FBXL17: variants seen among roughly 807,000 people sequenced by gnomAD.
FBXL17 encodes the protein F-box/LRR-repeat protein 17.
Under a neutral mutation model 66.2 loss-of-function variants are expected in FBXL17, and 22 were observed. The ratio of observed to expected loss-of-function variants is 0.33; its 90% CI spans 0.24 to 0.47. The LOEUF is 0.47. Among genes scored for constraint, FBXL17 ranks in the 20% least tolerant of loss-of-function variants. FBXL17 has a pLI of 1.00. For synonymous variants in FBXL17, 474 were observed against 400.5 expected (o/e 1.18, Z -2.19); for missense variants, 878 against 948.2 (o/e 0.93, Z 0.97).
intron 6 of FBXL17, among the ~76,000 whole-genome samples, chr5:108,178,972 T>A (rs1006599787): frequency 6.6e-6 from 1 of 152,216 alleles, no homozygotes; most frequent in Admixed American, 6.5e-5. Context: ...CCTTGGGCAA[T>A]CTTTAAACCT....
intron 4 of FBXL17, among the ~76,000 whole-genome samples, chr5:108,286,828 A>C (rs1170831495): frequency 6.6e-6 from 1 of 151,980 alleles, no homozygotes; most frequent in African/African-American, 2.4e-5. Flanking sequence ...GAATAGCCAC[A>C]GCAATCCTAA....
At chr5:107,867,837 T>C (rs1171088360) in intron 8 of FBXL17, among the ~76,000 whole-genome samples, 14 of 152,164 alleles carry the variant, frequency 9.2e-5, no homozygotes, top group Non-Finnish European at 2.1e-4. Flanking sequence ...CAATCTCAGA[T>C]AAGGAGAAAT....
At chr5:108,258,525 T>A (rs1027291554) in intron 4 of FBXL17, among the ~76,000 whole-genome samples, 4 of 152,146 alleles carry the variant, frequency 2.6e-5, no homozygotes, top group African/African-American at 9.7e-5. Context: ...GTGAGATTCC[T>A]AGAAGTAGAA....
chr5:108,117,524 TA>T (rs1292258653), intron 6 of FBXL17, among the ~76,000 whole-genome samples: 1 of 152,170 alleles, frequency 6.6e-6, no homozygotes, highest in Non-Finnish European at 1.5e-5. Context: ...TTAAAATTTT[TA>T]AAAATGTTAA....
At chr5:108,171,200 ATTTT>A (rs1752593711) in intron 6 of FBXL17, among the ~76,000 whole-genome samples, 1 of 152,172 alleles carries the variant, frequency 6.6e-6, no homozygotes, top group Non-Finnish European at 1.5e-5. Context: ...TGTAATATTT[ATTTT>A]ATTTAATACT....
chr5:108,263,678 T>C (rs1282593100), intron 4 of FBXL17, among the ~76,000 whole-genome samples: 1 of 152,182 alleles, frequency 6.6e-6, no homozygotes, highest in African/African-American at 2.4e-5. Context: ...AAAAAAGCAT[T>C]AATGTTCATT....
At chr5:108,225,513 C>T (rs1436458831) in intron 4 of FBXL17, among the ~76,000 whole-genome samples, 1 of 152,144 alleles carries the variant, frequency 6.6e-6, no homozygotes, top group South Asian at 2.1e-4. Flanking sequence ...CATGTGAAGA[C>T]TGGAGTTATG....
chr5:108,072,769 T>G (rs2909879), intron 6 of FBXL17, among the ~76,000 whole-genome samples: 2 of 152,024 alleles, frequency 1.3e-5, no homozygotes, highest in African/African-American at 4.8e-5. Context: ...AATCACAACA[T>G]TTATTATCTC....
intron 6 of FBXL17, among the ~76,000 whole-genome samples, chr5:108,071,165 A>G (rs1349606451): frequency 6.6e-6 from 1 of 152,222 alleles, no homozygotes; most frequent in African/African-American, 2.4e-5. Flanking sequence ...CGATGAACTC[A>G]GTTGTCACAC....
At chr5:108,335,573 G>T (rs919576833) in intron 4 of FBXL17, among the ~76,000 whole-genome samples, 10 of 151,854 alleles carry the variant, frequency 6.6e-5, no homozygotes, top group African/African-American at 2.2e-4. Context: ...AGCTGAGAAA[G>T]GTATGCCTTA....
At chr5:108,003,005 A>C (rs977815662) in intron 7 of FBXL17, among the ~76,000 whole-genome samples, 1 of 152,236 alleles carries the variant, frequency 6.6e-6, no homozygotes, top group Admixed American at 6.5e-5. Context: ...CATATTTACT[A>C]AAATAATTGA....
chr5:108,041,409 T>TTTTTG (rs552463697), intron 6 of FBXL17, among the ~76,000 whole-genome samples: 32 of 152,184 alleles, frequency 2.1e-4, no homozygotes, highest in African/African-American at 4.1e-4. Flanking sequence ...CCTTTTTGTT[T>TTTTTG]TTTTGTTTTG....
At chr5:107,869,440 A>C (rs1365303670) in intron 8 of FBXL17, among the ~76,000 whole-genome samples, 1 of 152,194 alleles carries the variant, frequency 6.6e-6, no homozygotes, top group Non-Finnish European at 1.5e-5. Flanking sequence ...AATCAGGGTA[A>C]TGTGAATTTT....
intron 6 of FBXL17, among the ~76,000 whole-genome samples, chr5:108,103,138 T>C (rs560412761): frequency 4.1e-4 from 62 of 152,374 alleles, no homozygotes; most frequent in Admixed American, 1.8e-3. Flanking sequence ...TGTGAGCCAG[T>C]TAATCTGTCT....
chr5:108,062,410 C>A (rs1322892755), intron 6 of FBXL17, among the ~76,000 whole-genome samples: 2 of 152,026 alleles, frequency 1.3e-5, no homozygotes, highest in African/African-American at 4.8e-5. Flanking sequence ...AAATTCATAT[C>A]TTTAATAGTA....
intron 4 of FBXL17, among the ~76,000 whole-genome samples, chr5:108,318,806 A>T (rs1759488244): frequency 6.6e-6 from 1 of 151,960 alleles, no homozygotes; most frequent in Admixed American, 6.6e-5. Flanking sequence ...TATAAGTCAA[A>T]CAAGTGATGG....
At chr5:108,212,909 C>T (rs1246849859) in intron 5 of FBXL17, among the ~76,000 whole-genome samples, 1 of 152,166 alleles carries the variant, frequency 6.6e-6, no homozygotes, top group Non-Finnish European at 1.5e-5. Context: ...TGAATCTTCA[C>T]CCACAATTGC....
intron 8 of FBXL17, among the ~76,000 whole-genome samples, chr5:107,867,308 T>C (rs938458709): frequency 1.3e-5 from 2 of 152,244 alleles, no homozygotes; most frequent in East Asian, 1.9e-4. Context: ...CAGCTCATGA[T>C]GGTAGTTTAA....
chr5:107,981,065 T>C (rs548369582), intron 7 of FBXL17, among the ~76,000 whole-genome samples: 3 of 152,226 alleles, frequency 2.0e-5, no homozygotes, highest in East Asian at 1.9e-4. Flanking sequence ...GAGCTTATAA[T>C]TCATAGAGAA....
Sources: allele counts gnomAD v4.1 joint callset (sites outside exome capture counted in the v4.1 genomes callset), GRCh38; gene constraint gnomAD v4.1.1; transcripts MANE v1.5; gene names NCBI Gene and HGNC (gene_info 2026-07-23, HGNC 2026-07-21).